Variants in AHI1 observed in about 807,000 individuals in gnomAD.
AHI1 encodes jouberin.
In AHI1, 123 loss-of-function variants were observed where a neutral mutation model predicts 149.3. That is an observed-to-expected ratio of 0.82 (90% CI 0.71 to 0.96). The LOEUF (loss-of-function observed/expected upper bound fraction) is 0.96, where lower values mean the gene tolerates loss of function less well. Ranked by LOEUF, AHI1 falls within the 40% of genes least tolerant of loss-of-function variation. The pLI, the probability that AHI1 is intolerant of heterozygous loss-of-function variation, is 0.00. For synonymous variants in AHI1, 475 were observed against 459.8 expected, an observed-to-expected ratio of 1.03 and a Z score of -0.42; for missense variants, 1,439 against 1,422.7, an observed-to-expected ratio of 1.01 and a Z score of -0.18.
intron 15 of AHI1, 82 bp downstream of exon 15, chr6:135,438,293 G>T: frequency 7.8e-7 from 1 of 1,279,680 alleles, no homozygotes; most frequent in Non-Finnish European, 1.0e-6. Context: ...TGGAGCATAA[G>T]AGTAGTTACA....
At chr6:135,447,320 A>G (rs766471949) in intron 12 of AHI1, among the ~76,000 whole-genome samples, 160 bp from the exon 13 acceptor site, 2 of 152,196 alleles carry the variant, frequency 1.3e-5, no homozygotes, top group Non-Finnish European at 2.9e-5. Context: ...TCTAAATAAA[A>G]TAAAAAAGCT....
At chr6:135,357,058 C>T in intron 24 of AHI1, among the ~76,000 whole-genome samples, 1 of 152,188 alleles carries the variant, frequency 6.6e-6, no homozygotes, top group South Asian at 2.1e-4. Flanking sequence ...CCTGCCTCAG[C>T]CTCCCGAGTA....
At chr6:135,340,399 CAAAAA>C (rs1004171009) in intron 24 of AHI1, among the ~76,000 whole-genome samples, 1 of 130,952 alleles carries the variant, frequency 7.6e-6, no homozygotes, top group Non-Finnish European at 1.7e-5. Flanking sequence ...CAAAAACAAA[CAAAAA>C]AAAAAGGAAG....
At chr6:135,368,769 A>G (rs951667575) in intron 23 of AHI1, among the ~76,000 whole-genome samples, 1 of 152,168 alleles carries the variant, frequency 6.6e-6, no homozygotes, top group African/African-American at 2.4e-5. Flanking sequence ...CAAAGAGTTT[A>G]TTTCCAGGCA....
At chr6:135,386,314 T>TG (rs565672863) in intron 23 of AHI1, among the ~76,000 whole-genome samples, 360 of 151,868 alleles carry the variant, frequency 2.4e-3, no homozygotes, top group African/African-American at 8.3e-3. Flanking sequence ...TGTTTTGTTT[T>TG]TTTTTTTCTT....
intron 26 of AHI1, among the ~76,000 whole-genome samples, chr6:135,305,321 C>T (rs1784417302): frequency 6.6e-6 from 1 of 152,124 alleles, no homozygotes; most frequent in African/African-American, 2.4e-5. Context: ...TAGTTTTCAG[C>T]AAAGCAAGTT....
chr6:135,442,467 T>C, intron 14 of AHI1, 115 bp downstream of exon 14: 1 of 1,121,414 alleles, frequency 8.9e-7, no homozygotes, highest in Non-Finnish European at 1.2e-6. Flanking sequence ...TCCGTTTTCT[T>C]TAATTTAGTA....
At chr6:135,293,172 T>C (rs1049204995) in intron 27 of AHI1, among the ~76,000 whole-genome samples, 1 of 151,956 alleles carries the variant, frequency 6.6e-6, no homozygotes, top group African/African-American at 2.4e-5. Context: ...TGCAAAAACA[T>C]GTTTGAGAAA....
chr6:135,313,934 G>T (rs1785561668), intron 26 of AHI1, among the ~76,000 whole-genome samples: 1 of 152,118 alleles, frequency 6.6e-6, no homozygotes, highest in Non-Finnish European at 1.5e-5. Flanking sequence ...AGGGACATGA[G>T]AAAAATCACA....
At chr6:135,394,163 A>T (rs1315762539) in intron 23 of AHI1, among the ~76,000 whole-genome samples, 1 of 152,114 alleles carries the variant, frequency 6.6e-6, no homozygotes, top group Non-Finnish European at 1.5e-5. Context: ...TGTCAAAAAC[A>T]TATAGCTAAT....
intron 5 of AHI1, among the ~76,000 whole-genome samples, chr6:135,479,199 C>T (rs750099996): frequency 7.9e-5 from 12 of 152,206 alleles, no homozygotes; most frequent in Non-Finnish European, 1.8e-4. Flanking sequence ...TGCCTAGGGG[C>T]ACTGCCTAGT....
rs1279174135 is a variant in AHI1 at position 135,431,248 on chromosome 6, T to A, written c.2333A>T (p.Asn778Ile). The change falls in exon 17 of 29, where the codon AAT becomes ATT. Residue 778 changes from asparagine (N) to isoleucine (I), a missense_variant. By Grantham distance (149) the Asn-to-Ile change is moderately radical (BLOSUM62 -3). Coordinates refer to ENST00000265602, the MANE Select transcript of AHI1 (RefSeq NM_001134831.2). ...IVVWNTYVKI[N>I]DLEHSVHHWT... ...GTGGTGCACTGAATGTTCCAAATCATTAATCTTGACATAGGTATTCCAAAC... is the reference window on the plus strand; with the variant it reads ...GTGGTGCACTGAATGTTCCAAATCAATAATCTTGACATAGGTATTCCAAAC... The A allele has an allele frequency of 1.2e-6, 2 of 1,608,132 alleles. No homozygotes were observed. Among genetic ancestry groups the A allele is most frequent in the South Asian group, 2.2e-5 (2 of 90,192 alleles).
At chr6:135,446,693 G>A (rs1787282487) in intron 13 of AHI1, among the ~76,000 whole-genome samples, 1 of 152,132 alleles carries the variant, frequency 6.6e-6, no homozygotes, top group African/African-American at 2.4e-5. Flanking sequence ...TCTTGATCTT[G>A]GACTTCTCGG....
intron 24 of AHI1, among the ~76,000 whole-genome samples, chr6:135,351,247 C>T (rs1476048066): frequency 2.6e-5 from 4 of 151,820 alleles, no homozygotes; most frequent in Non-Finnish European, 5.9e-5. Flanking sequence ...TAACTGGGAT[C>T]CTTCCTTGGG....
chr6:135,381,365 A>G (rs1776744820), intron 23 of AHI1, among the ~76,000 whole-genome samples: 1 of 152,228 alleles, frequency 6.6e-6, no homozygotes, highest in South Asian at 2.1e-4. Flanking sequence ...ACATATACAT[A>G]CAAACACCCA....
At chr6:135,435,114 T>G (rs1583217532) in intron 15 of AHI1, 1 of 152,220 alleles carries the variant, frequency 6.6e-6, no homozygotes, top group East Asian at 1.9e-4. Context: ...ATTCTAATTC[T>G]CTTTCTTTGG....
At chr6:135,428,871 G>C in intron 18 of AHI1, 112 bp from the exon 19 acceptor site, 1 of 969,380 alleles carries the variant, frequency 1.0e-6, no homozygotes, top group Admixed American at 2.8e-5. Flanking sequence ...CATTTTTTGA[G>C]AATCTGCCAT....
chr6:135,456,460 C>G (rs1312004054), intron 9 of AHI1, among the ~76,000 whole-genome samples: 2 of 152,000 alleles, frequency 1.3e-5, no homozygotes, highest in East Asian at 3.9e-4. Flanking sequence ...GGGAGGATCA[C>G]CTGAGCCCAG....
chr6:135,355,930 T>C (rs1792898020), intron 24 of AHI1, among the ~76,000 whole-genome samples: 1 of 151,238 alleles, frequency 6.6e-6, no homozygotes, highest in Non-Finnish European at 1.5e-5. Flanking sequence ...AACAAACATA[T>C]CTTTCCCTTG....
Sources: gnomAD v4.1 joint callset for allele counts (sites outside exome capture counted in the v4.1 genomes callset) on GRCh38, gnomAD v4.1.1 for gene constraint, MANE v1.5 for transcripts, NCBI Gene and HGNC (gene_info 2026-07-23, HGNC 2026-07-21) for gene names.